Variants in ADAMTS6 observed in about 807,000 individuals in gnomAD.
ADAMTS6 encodes ADAM metallopeptidase with thrombospondin type 1 motif 6.
Under a neutral mutation model 144.3 loss-of-function variants are expected in ADAMTS6, and 23 were observed. The ratio of observed to expected loss-of-function variants is 0.16; its 90% CI spans 0.11 to 0.23. The LOEUF is 0.23. ADAMTS6 is among the 10% of genes least tolerant of loss of function. The pLI, the probability that ADAMTS6 is intolerant of heterozygous loss-of-function variation, is 1.00. For synonymous variants in ADAMTS6, 444 were observed against 457.5 expected, an observed-to-expected ratio of 0.97 and a Z score of 0.38; for missense variants, 999 against 1,379.6, an observed-to-expected ratio of 0.72 and a Z score of 4.37.
chr5:65,270,538 G>A (rs1761971979), intron 12 of ADAMTS6, among the ~76,000 whole-genome samples: 1 of 152,066 alleles, frequency 6.6e-6, no homozygotes, highest in South Asian at 2.1e-4. Flanking sequence ...AAGTTAATAA[G>A]GTTATTCTGA....
intron 8 of ADAMTS6, among the ~76,000 whole-genome samples, chr5:65,331,669 A>C (rs1290201887): frequency 6.6e-6 from 1 of 151,952 alleles, no homozygotes; most frequent in Non-Finnish European, 1.5e-5. Context: ...CACAGTTTGC[A>C]CCCTTAAGCC....
At chr5:65,260,199 T>A (rs1168268199) in intron 14 of ADAMTS6, among the ~76,000 whole-genome samples, 1 of 152,178 alleles carries the variant, frequency 6.6e-6, no homozygotes. Flanking sequence ...ATATACAGCA[T>A]CTTATCTATT....
At chr5:65,260,491 G>A in intron 14 of ADAMTS6, 109 bp downstream of exon 14, 1 of 801,656 alleles carries the variant, frequency 1.2e-6, no homozygotes, top group Non-Finnish European at 2.0e-6. Flanking sequence ...AAATTAATGT[G>A]ACCTTCACAC....
chr5:65,207,989 A>G (rs1756234879), intron 20 of ADAMTS6, among the ~76,000 whole-genome samples: 2 of 152,238 alleles, frequency 1.3e-5, no homozygotes, highest in South Asian at 4.1e-4. Flanking sequence ...CTGTAAATAT[A>G]TAGGCATGCC....
chr5:65,173,803 T>C (rs1002430579), intron 22 of ADAMTS6, among the ~76,000 whole-genome samples: 3 of 152,086 alleles, frequency 2.0e-5, no homozygotes, highest in Non-Finnish European at 2.9e-5. Flanking sequence ...GGTGGGCAGA[T>C]CAAGAGGTCA....
At chr5:65,242,389 C>T (rs1759266171) in intron 14 of ADAMTS6, among the ~76,000 whole-genome samples, 183 bp from the exon 15 acceptor site, 1 of 152,172 alleles carries the variant, frequency 6.6e-6, no homozygotes, top group Non-Finnish European at 1.5e-5. Context: ...ATAATCTTAA[C>T]TATAGAAGAT....
chr5:65,360,289 A>T (rs1043830388), intron 7 of ADAMTS6, among the ~76,000 whole-genome samples: 1 of 152,152 alleles, frequency 6.6e-6, no homozygotes, highest in Non-Finnish European at 1.5e-5. Context: ...TGAGAACTCT[A>T]TCAAGAGAAC....
At chr5:65,446,866 T>G (rs1758307295) in intron 7 of ADAMTS6, among the ~76,000 whole-genome samples, 1 of 152,098 alleles carries the variant, frequency 6.6e-6, no homozygotes, top group Admixed American at 6.6e-5. Flanking sequence ...GATGGAATGT[T>G]CTAAAAATTG....
intron 15 of ADAMTS6, among the ~76,000 whole-genome samples, chr5:65,235,887 T>C (rs1318024611): frequency 1.3e-5 from 2 of 152,226 alleles, no homozygotes; most frequent in Non-Finnish European, 2.9e-5. Flanking sequence ...TATTAACCAA[T>C]TACCTTAAGT....
intron 18 of ADAMTS6, among the ~76,000 whole-genome samples, chr5:65,223,043 C>CA (rs1245203594): frequency 1.3e-5 from 2 of 151,474 alleles, no homozygotes; most frequent in African/African-American, 4.9e-5. Context: ...CACTTCACTA[C>CA]AAAAAAATCC....
At chr5:65,224,664 T>G (rs571138992) in intron 17 of ADAMTS6, among the ~76,000 whole-genome samples, 86 of 152,312 alleles carry the variant, frequency 5.6e-4, no homozygotes, top group African/African-American at 2.0e-3. Flanking sequence ...CCTCAGCACA[T>G]GCCCCTCATA....
At chr5:65,377,678 G>C (rs577049474) in intron 7 of ADAMTS6, among the ~76,000 whole-genome samples, 1 of 152,224 alleles carries the variant, frequency 6.6e-6, no homozygotes, top group East Asian at 1.9e-4. Flanking sequence ...TTTTTCCAGG[G>C]AGAAAGTTTC....
At chr5:65,331,714 T>A (rs1385848454) in intron 8 of ADAMTS6, among the ~76,000 whole-genome samples, 1 of 151,978 alleles carries the variant, frequency 6.6e-6, no homozygotes, top group Non-Finnish European at 1.5e-5. Flanking sequence ...ATCAGAATTA[T>A]TAAGCAAAAG....
intron 7 of ADAMTS6, among the ~76,000 whole-genome samples, chr5:65,446,647 T>A (rs563187514): frequency 6.6e-6 from 1 of 152,166 alleles, no homozygotes; most frequent in East Asian, 1.9e-4. Context: ...TACTGATACA[T>A]GCCACATTAT....
intron 7 of ADAMTS6, among the ~76,000 whole-genome samples, chr5:65,417,417 T>C (rs1006736525): frequency 6.6e-6 from 1 of 152,202 alleles, no homozygotes; most frequent in East Asian, 1.9e-4. Flanking sequence ...GGCATCCAAA[T>C]AGCAAAAGAA....
At chr5:65,187,824 C>T (rs1287120644) in intron 22 of ADAMTS6, among the ~76,000 whole-genome samples, 192 bp downstream of exon 22, 2 of 152,150 alleles carry the variant, frequency 1.3e-5, no homozygotes, top group East Asian at 1.9e-4. Flanking sequence ...ACAAGTTTCT[C>T]GCTGATTTCC....
At chr5:65,397,345 C>T (rs1041598534) in intron 7 of ADAMTS6, among the ~76,000 whole-genome samples, 12 of 151,674 alleles carry the variant, frequency 7.9e-5, no homozygotes, top group Non-Finnish European at 1.2e-4. Context: ...TATTCATTTT[C>T]TTCTGCTTAC....
intron 7 of ADAMTS6, among the ~76,000 whole-genome samples, chr5:65,369,375 A>G (rs953395717): frequency 6.6e-6 from 1 of 152,256 alleles, no homozygotes; most frequent in Non-Finnish European, 1.5e-5. Flanking sequence ...AGGTTGAACC[A>G]TAAAAAGTTG....
intron 12 of ADAMTS6, among the ~76,000 whole-genome samples, chr5:65,263,411 T>C (rs530203807): frequency 6.7e-6 from 1 of 149,284 alleles, no homozygotes; most frequent in East Asian, 1.9e-4. Flanking sequence ...AATTGCTCTT[T>C]CTTAAAAAAA....
Sources: gnomAD v4.1 joint callset for allele counts (sites outside exome capture counted in the v4.1 genomes callset) on GRCh38, gnomAD v4.1.1 for gene constraint, MANE v1.5 for transcripts, NCBI Gene and HGNC (gene_info 2026-07-23, HGNC 2026-07-21) for gene names.